The following CHRM3 variants were observed in gnomAD, a reference collection of about 807,000 sequenced individuals.
CHRM3 encodes the protein muscarinic acetylcholine receptor M3.
A neutral mutation model predicts 41.8 loss-of-function variants in CHRM3; 11 were observed. That is an observed-to-expected ratio of 0.26 (90% CI 0.17 to 0.44). The LOEUF is 0.44. CHRM3 is among the 20% of genes least tolerant of loss of function. The pLI, the probability that CHRM3 is intolerant of heterozygous loss-of-function variation, is 1.00. For synonymous variants in CHRM3, 297 were observed against 301.4 expected (o/e 0.99, Z 0.15); for missense variants, 571 against 745.4 (o/e 0.77, Z 2.72).
rs372029862 is a variant in CHRM3, at chr1:239,789,758, C to T, written c.-146-37494C>T. Among the ~76,000 whole-genome samples, 6 of 152,300 alleles carry T rather than the reference C, an allele frequency of 3.9e-5. No individual in the cohort carries two copies. In the East Asian group the frequency reaches 1.2e-3, roughly 29 times the overall value. ...GACCCAACCACCTCCCATTAGGCCC[C>T]ACCTCCAACACTGGGGATCAAATTT... On this transcript the variant is annotated intron_variant, in intron 5 of 6. Coordinates refer to ENST00000676153, the MANE Select transcript of CHRM3 (RefSeq NM_001375978.1).
intron 3 of CHRM3, among the ~76,000 whole-genome samples, chr1:239,596,845 A>G (rs1247061242): frequency 1.3e-5 from 2 of 152,264 alleles, no homozygotes; most frequent in Admixed American, 1.3e-4. Flanking sequence ...ACATATATAT[A>G]ATCTTTTAAA....
rs1171209261 is a variant in CHRM3, at chr1:239,907,329, CA to C, written c.-19-103del. 8 of 786,430 alleles carry C rather than the reference CA, an allele frequency of 1.0e-5. No homozygotes were observed. The highest frequency in any genetic ancestry group is 1.6e-5 in the Non-Finnish European group (8 of 494,398). The allele number at this position is 786,430 out of a possible 1,614,324, so 48.7% of individuals were successfully genotyped here. A position where few individuals can be genotyped will look rare whatever the true frequency, so the allele number is the denominator to read the frequency against. On this transcript the variant is annotated intron_variant, in intron 6 of 6. Transcript: ENST00000676153. The surrounding 1 kb of genome is among the most constrained non-coding windows in gnomAD (Gnocchi z 5.4). Reference sequence around the variant, plus strand: ...GATGTTTGGCTTCATAGAGATTCAGCACCCTGTAATAGGCCTTCCATGTCTT... The same window carrying C: ...GATGTTTGGCTTCATAGAGATTCAGCCCCTGTAATAGGCCTTCCATGTCTT...
intron 5 of CHRM3, among the ~76,000 whole-genome samples, chr1:239,765,987 T>A (rs1455730081): frequency 6.6e-6 from 1 of 152,062 alleles, no homozygotes; most frequent in East Asian, 1.9e-4. Flanking sequence ...AGGCTAATTT[T>A]TGTATTTTTT....
chr1:239,672,928 G>C lies in CHRM3; in HGVS notation c.-249-5258G>C, dbSNP rs1264517884. 2.6e-5 allele frequency among the ~76,000 whole-genome samples: 4 copies of C among 152,154 alleles called. No individual in the cohort carries two copies. The East Asian group carries it at 7.8e-4, about 29-fold the overall frequency. ...AGATTTTTTGAAGCACCAGATGTTA[G>C]AATGTACTGCCTAAAACTATCAGTG... On this transcript the variant is annotated intron_variant, in intron 4 of 6. Transcript: ENST00000676153.
intron 2 of CHRM3, among the ~76,000 whole-genome samples, chr1:239,500,061 A>C (rs747389643): frequency 6.6e-6 from 1 of 152,140 alleles, no homozygotes; most frequent in Non-Finnish European, 1.5e-5. Flanking sequence ...TGGGTTTGTC[A>C]TAGATAGCTT....
At chr1:239,850,364 C>T (rs1674600298) in intron 6 of CHRM3, among the ~76,000 whole-genome samples, 1 of 152,062 alleles carries the variant, frequency 6.6e-6, no homozygotes, top group Non-Finnish European at 1.5e-5. Context: ...TGGGGCTGAT[C>T]CTGCTGTCTC....
intron 5 of CHRM3, among the ~76,000 whole-genome samples, chr1:239,730,245 G>A (rs993989499): frequency 2.0e-5 from 3 of 151,904 alleles, no homozygotes; most frequent in Admixed American, 6.6e-5. Context: ...AAACAAAACT[G>A]CTTTGGTATA....
At position 239,877,820 on chromosome 1, in the gene CHRM3, G is replaced by A. The variant is rs1208718068; in HGVS notation, c.-19-29613G>A. Among the ~76,000 whole-genome samples the A allele has an allele frequency of 2.6e-5, 4 of 151,966 alleles. No individual in the cohort carries two copies. The East Asian group carries it at 5.8e-4, about 22-fold the overall frequency. ...TTGTGGACGACAATTTTTCTGTGAT[G>A]GGGAGGAGAGGAGGGGGTGGTTTCT... On this transcript the variant is annotated intron_variant, in intron 6 of 6. Transcript: ENST00000676153.
intron 3 of CHRM3, among the ~76,000 whole-genome samples, chr1:239,623,229 A>G (rs1181349830): frequency 1.3e-5 from 2 of 151,040 alleles, no homozygotes; most frequent in Non-Finnish European, 3.0e-5. Context: ...CGTCATTTAC[A>G]TTAGGTATAT....
At position 239,785,745 on chromosome 1, in the gene CHRM3, G is replaced by GA. The variant is rs541301211; in HGVS notation, c.-146-41497dup. Among the ~76,000 whole-genome samples the GA allele has an allele frequency of 3.0e-4, 44 of 148,450 alleles. No individual in the cohort carries two copies. In the Middle Eastern group the frequency reaches 0.011, roughly 36 times the overall value. ...ATTGACAAGGGTTAGTTTCTTCGTG[G>GA]AAAAAAAAAATGGGAGCTAAACTGA... On this transcript the variant is annotated intron_variant, in intron 5 of 6. Transcript: ENST00000676153.
At chr1:239,411,444 G>A (rs550083333) in intron 1 of CHRM3, among the ~76,000 whole-genome samples, 1 of 152,220 alleles carries the variant, frequency 6.6e-6, no homozygotes, top group East Asian at 1.9e-4. Context: ...AATAAGTTGT[G>A]GACCGGGCGT....
intron 2 of CHRM3, among the ~76,000 whole-genome samples, chr1:239,540,645 C>T (rs1357955458): frequency 1.3e-5 from 2 of 152,160 alleles, no homozygotes; most frequent in Non-Finnish European, 2.9e-5. Context: ...TACCTACAAA[C>T]ACACGGTCTT....
intron 4 of CHRM3, among the ~76,000 whole-genome samples, chr1:239,650,040 T>G (rs1672095661): frequency 6.6e-6 from 1 of 152,192 alleles, no homozygotes; most frequent in Non-Finnish European, 1.5e-5. Context: ...GCCCTCGGTG[T>G]CCTGGTCCTG....
chr1:239,763,628 G>A (rs1394300826), intron 5 of CHRM3, among the ~76,000 whole-genome samples: 1 of 152,164 alleles, frequency 6.6e-6, no homozygotes, highest in African/African-American at 2.4e-5. Context: ...ATTATTGTCT[G>A]TAATCTGGAG....
At chr1:239,771,634 C>T (rs1221271764) in intron 5 of CHRM3, among the ~76,000 whole-genome samples, 1 of 152,188 alleles carries the variant, frequency 6.6e-6, no homozygotes, top group East Asian at 1.9e-4. Context: ...CAAACATTTT[C>T]TGTATAGGGG....
At chr1:239,772,079 T>G (rs961483865) in intron 5 of CHRM3, among the ~76,000 whole-genome samples, 2 of 152,196 alleles carry the variant, frequency 1.3e-5, no homozygotes, top group Non-Finnish European at 1.5e-5. Context: ...ACAACAATTG[T>G]TATTAGCATC....
chr1:239,894,638 A>G (rs908478849), intron 6 of CHRM3, among the ~76,000 whole-genome samples: 12 of 152,016 alleles, frequency 7.9e-5, no homozygotes, highest in African/African-American at 2.9e-4. Flanking sequence ...TCACCATGTT[A>G]TCCAGGCTGG....
At chr1:239,725,012 T>A (rs1470041578) in intron 5 of CHRM3, among the ~76,000 whole-genome samples, 1 of 151,926 alleles carries the variant, frequency 6.6e-6, no homozygotes, top group Non-Finnish European at 1.5e-5. Context: ...TATGCCTGTG[T>A]GCACTCTCAG....
intron 1 of CHRM3, among the ~76,000 whole-genome samples, chr1:239,484,566 G>T (rs1667065502): frequency 6.6e-6 from 1 of 152,148 alleles, no homozygotes; most frequent in Admixed American, 6.5e-5. Flanking sequence ...AGGTGTGGTG[G>T]TGTGTGACTG....
Sources: gnomAD v4.1 joint callset for allele counts (sites outside exome capture counted in the v4.1 genomes callset) on GRCh38, gnomAD v4.1.1 for gene constraint, Gnocchi (gnomAD v3.1) non-coding constraint, MANE v1.5 for transcripts, NCBI Gene and HGNC (gene_info 2026-07-23, HGNC 2026-07-21) for gene names.